PPARGC1A: variants seen among roughly 807,000 people sequenced by gnomAD.
PPARGC1A encodes PPARG coactivator 1 alpha.
A neutral mutation model predicts 88.7 loss-of-function variants in PPARGC1A; 25 were observed. The observed-to-expected ratio is 0.28, with a 90% confidence interval of 0.21 to 0.39. The LOEUF (loss-of-function observed/expected upper bound fraction) is 0.39. Among genes scored for constraint, PPARGC1A ranks in the 10% least tolerant of loss-of-function variants. The pLI is 1.00. For synonymous variants in PPARGC1A, 363 were observed against 355.6 expected, an observed-to-expected ratio of 1.02 and a Z score of -0.24; for missense variants, 880 against 968.7, an observed-to-expected ratio of 0.91 and a Z score of 1.22.
upstream of PPARGC1A, among the ~76,000 whole-genome samples, chr4:23,893,336 C>T (rs1165015193): frequency 6.6e-6 from 1 of 152,104 alleles, no homozygotes; most frequent in Non-Finnish European, 1.5e-5. Context: ...AAATTAGAAT[C>T]AAATTCAAAC....
chr4:24,135,185 C>T, the PPARGC1A span, among the ~76,000 whole-genome samples: 1 of 151,988 alleles, frequency 6.6e-6, no homozygotes, highest in Non-Finnish European at 1.5e-5. Flanking sequence ...AATGGCTATC[C>T]TATGTGCAAT....
the PPARGC1A span, among the ~76,000 whole-genome samples, chr4:24,285,890 G>T: frequency 6.6e-6 from 1 of 152,126 alleles, no homozygotes; most frequent in Admixed American, 6.5e-5. Context: ...CTTCTAGAAG[G>T]CTATGGCCAC....
chr4:24,141,664 A>T, the PPARGC1A span, among the ~76,000 whole-genome samples: 1 of 152,230 alleles, frequency 6.6e-6, no homozygotes, highest in Non-Finnish European at 1.5e-5. Flanking sequence ...CGAGGCATCG[A>T]AAATTCAAAG....
chr4:24,170,975 C>T, the PPARGC1A span, among the ~76,000 whole-genome samples: 1 of 152,170 alleles, frequency 6.6e-6, no homozygotes, highest in African/African-American at 2.4e-5. Flanking sequence ...GTCACGCATG[C>T]TCCTGCCTCA....
chr4:24,018,412 T>C, the PPARGC1A span, among the ~76,000 whole-genome samples: 2 of 152,164 alleles, frequency 1.3e-5, no homozygotes, highest in African/African-American at 4.8e-5. Context: ...TTTCTGCACA[T>C]AGCCATTTTA....
the PPARGC1A span, among the ~76,000 whole-genome samples, chr4:24,026,026 C>T: frequency 6.6e-6 from 1 of 152,120 alleles, no homozygotes; most frequent in Non-Finnish European, 1.5e-5. Flanking sequence ...TTTGTCTGCC[C>T]TACATCTTTA....
rs183026292 is a variant in PPARGC1A at position 23,837,748 on chromosome 4, G to A, written c.235-5997C>T. Among the ~76,000 whole-genome samples, 317 of 152,266 alleles carry A rather than the reference G, an allele frequency of 2.1e-3. 2 individuals are homozygous for A. The highest frequency in any genetic ancestry group is 7.3e-3 in the African/African-American group (305 of 41,560). On this transcript the variant is annotated intron_variant, in intron 2 of 12. Transcript: ENST00000264867. The stretch of plus-strand genomic sequence containing the variant: ...TCCACTACTTTGGATTATTGGTTCC[G>A]CTAGGCCCCACCAGGACTTCAAATA...
At chr4:24,426,326 G>A in the PPARGC1A span, among the ~76,000 whole-genome samples, 52 of 152,264 alleles carry the variant, frequency 3.4e-4, no homozygotes, top group Middle Eastern at 3.4e-3. Context: ...GAAAAACAGG[G>A]CTTCTAAGGA....
chr4:24,408,150 A>G, the PPARGC1A span, among the ~76,000 whole-genome samples: 2 of 152,186 alleles, frequency 1.3e-5, no homozygotes, highest in Non-Finnish European at 2.9e-5. Context: ...TTACAAGAGG[A>G]AGATAAAAGG....
intron 1 of PPARGC1A, among the ~76,000 whole-genome samples, chr4:23,897,235 A>T (rs1718702693): frequency 6.6e-6 from 1 of 152,204 alleles, no homozygotes; most frequent in African/African-American, 2.4e-5. Flanking sequence ...TTGTAAGAAG[A>T]GGAGTAATGA....
intron 7 of PPARGC1A, among the ~76,000 whole-genome samples, chr4:23,817,129 A>C (rs959214653): frequency 3.3e-5 from 5 of 152,132 alleles, no homozygotes; most frequent in Non-Finnish European, 5.9e-5. Flanking sequence ...GAAACCTTAA[A>C]CTTCAGGAAC....
the PPARGC1A span, among the ~76,000 whole-genome samples, chr4:23,919,358 G>T: frequency 6.6e-6 from 1 of 151,748 alleles, no homozygotes; most frequent in Admixed American, 6.6e-5. Context: ...CACAACTTTG[G>T]ATCAATGTAT....
At chr4:24,384,461 A>G in the PPARGC1A span, among the ~76,000 whole-genome samples, 1 of 151,800 alleles carries the variant, frequency 6.6e-6, no homozygotes, top group African/African-American at 2.4e-5. Context: ...GTCAAGACCT[A>G]TCAATGTGCT....
the PPARGC1A span, among the ~76,000 whole-genome samples, chr4:24,339,237 T>TATACACACAC: frequency 3.8e-5 from 4 of 104,314 alleles, no homozygotes; most frequent in African/African-American, 1.2e-4. Flanking sequence ...TATATATATA[T>TATACACACAC]ACACACACAC....
At chr4:24,305,405 T>C in the PPARGC1A span, among the ~76,000 whole-genome samples, 1 of 152,118 alleles carries the variant, frequency 6.6e-6, no homozygotes, top group Admixed American at 6.5e-5. Context: ...AAACACTCAG[T>C]CTCCATTTCC....
At chr4:24,103,811 G>T in the PPARGC1A span, among the ~76,000 whole-genome samples, 3 of 152,092 alleles carry the variant, frequency 2.0e-5, no homozygotes, top group East Asian at 1.9e-4. Context: ...GACAGGGGAG[G>T]TTTAACATAA....
the PPARGC1A span, among the ~76,000 whole-genome samples, chr4:24,312,431 A>G: frequency 1.3e-5 from 2 of 151,982 alleles, no homozygotes; most frequent in African/African-American, 4.8e-5. Context: ...GTGAAAGAAG[A>G]AGAGAAAGGA....
At chr4:23,850,324 A>G (rs1016621053) in intron 2 of PPARGC1A, among the ~76,000 whole-genome samples, 2 of 152,212 alleles carry the variant, frequency 1.3e-5, no homozygotes, top group Admixed American at 1.3e-4. Context: ...AAAATAAAGC[A>G]TAAGAAGAGA....
At chr4:23,804,776 C>G (rs1055106706) in intron 10 of PPARGC1A, among the ~76,000 whole-genome samples, 1 of 152,254 alleles carries the variant, frequency 6.6e-6, no homozygotes, top group African/African-American at 2.4e-5. Flanking sequence ...TGCTCTTTCC[C>G]TGCTACTGGG....
Sources: gnomAD v4.1 joint callset for allele counts (sites outside exome capture counted in the v4.1 genomes callset) on GRCh38, gnomAD v4.1.1 for gene constraint, MANE v1.5 for transcripts, NCBI Gene and HGNC (gene_info 2026-07-23, HGNC 2026-07-21) for gene names.